The following PIEZO2 variants were observed in gnomAD, a reference collection of about 807,000 sequenced individuals.
PIEZO2 encodes piezo-type mechanosensitive ion channel component 2.
Under a neutral mutation model 337.3 loss-of-function variants are expected in PIEZO2, and 172 were observed. The ratio of observed to expected loss-of-function variants is 0.51; its 90% CI spans 0.45 to 0.58. PIEZO2 has a LOEUF of 0.58. Among genes scored for constraint, PIEZO2 ranks in the 20% least tolerant of loss-of-function variants. The pLI, the probability that PIEZO2 is intolerant of heterozygous loss-of-function variation, is 0.00. For synonymous variants in PIEZO2, 1,251 were observed against 1,228.5 expected, an observed-to-expected ratio of 1.02 and a Z score of -0.38; for missense variants, 3,028 against 3,391.3, an observed-to-expected ratio of 0.89 and a Z score of 2.66.
At position 10,813,992 on chromosome 18, in the gene PIEZO2, G is replaced by GAGTTTTGCT. The variant is rs2040278348; in HGVS notation, c.918-6727_918-6719dup. ...ATATATTTTTTTTTTTTTTGAGATG[G>GAGTTTTGCT]AGTTTTGCTCTGTGGCCCAGGCTGG... On this transcript the variant is annotated intron_variant, in intron 7 of 55. Coordinates refer to ENST00000674853, the MANE Select transcript of PIEZO2 (RefSeq NM_001378183.1). This position sits in a 1 kb window ranked among gnomAD's most constrained non-coding sequence, Gnocchi z 4.2. 6.6e-6 allele frequency among the ~76,000 whole-genome samples: 1 copy of GAGTTTTGCT among 150,922 alleles called. No individual in the cohort carries two copies. The highest frequency in any genetic ancestry group is 6.6e-5 in the Admixed American group (1 of 15,178).
At chr18:11,138,075 C>T (rs185272211) in intron 1 of PIEZO2, among the ~76,000 whole-genome samples, 9 of 152,246 alleles carry the variant, frequency 5.9e-5, no homozygotes, top group African/African-American at 2.4e-5. Context: ...AAAAACCAAT[C>T]GCTATAGGAA....
chr18:10,909,577 T>C (rs1039269688), intron 4 of PIEZO2, among the ~76,000 whole-genome samples: 2 of 152,206 alleles, frequency 1.3e-5, no homozygotes, highest in African/African-American at 4.8e-5. Flanking sequence ...TGCTGACCTA[T>C]GTAGGGATGA....
chr18:10,741,243 C>T (rs2037207641), intron 32 of PIEZO2, 141 bp from the exon 33 acceptor site: 5 of 670,404 alleles, frequency 7.5e-6, no homozygotes, highest in East Asian at 5.5e-5. Flanking sequence ...TATACTGAAT[C>T]TGAAAAATAT....
chr18:10,805,899 C>A (rs772827526), intron 8 of PIEZO2, among the ~76,000 whole-genome samples: 3 of 152,214 alleles, frequency 2.0e-5, no homozygotes, highest in East Asian at 1.9e-4. Flanking sequence ...CAGGGATGAC[C>A]GGAGCCATGC....
At chr18:10,869,320 T>C (rs1487690807) in intron 5 of PIEZO2, among the ~76,000 whole-genome samples, 1 of 152,322 alleles carries the variant, frequency 6.6e-6, no homozygotes, top group Middle Eastern at 3.4e-3. Context: ...CCTCCTTCTA[T>C]AGTTATTATT....
At chr18:11,011,131 C>T (rs979597294) in intron 2 of PIEZO2, among the ~76,000 whole-genome samples, 2 of 152,204 alleles carry the variant, frequency 1.3e-5, no homozygotes, top group Non-Finnish European at 2.9e-5. Flanking sequence ...CTAAAGACTG[C>T]AATGGGACCT....
intron 27 of PIEZO2, among the ~76,000 whole-genome samples, chr18:10,756,428 G>C (rs79892316): frequency 0.018 from 2,770 of 150,338 alleles, 39 homozygotes; most frequent in Non-Finnish European, 0.031. Context: ...AGGATGGATG[G>C]AAGATGAGGA....
chr18:11,133,476 T>C (rs1331395360), intron 1 of PIEZO2, among the ~76,000 whole-genome samples: 1 of 152,172 alleles, frequency 6.6e-6, no homozygotes, highest in East Asian at 1.9e-4. Flanking sequence ...TGTGTCTGTG[T>C]GGGTGTTGCC....
chr18:10,798,637 C>G (rs1417288129), intron 11 of PIEZO2, among the ~76,000 whole-genome samples: 1 of 152,048 alleles, frequency 6.6e-6, no homozygotes, highest in Non-Finnish European at 1.5e-5. Flanking sequence ...TTTTGAAAGC[C>G]CAGTTTATGA....
chr18:11,088,118 G>C (rs963512314), intron 1 of PIEZO2, among the ~76,000 whole-genome samples: 1 of 152,166 alleles, frequency 6.6e-6, no homozygotes, highest in Non-Finnish European at 1.5e-5. Context: ...GAACTATTTG[G>C]TTACAAGTCT....
At chr18:11,135,528 T>C (rs1010290184) in intron 1 of PIEZO2, among the ~76,000 whole-genome samples, 3 of 152,214 alleles carry the variant, frequency 2.0e-5, no homozygotes, top group African/African-American at 7.2e-5. Flanking sequence ...CATTACAGTT[T>C]GGTTCACGTT....
rs368619087 is a variant in PIEZO2, at chr18:10,759,792, T to A, written c.3568A>T (p.Ile1190Phe). 6.5e-7 allele frequency: 1 copy of A among 1,537,302 alleles called. No individual in the cohort carries two copies. The part of the protein sequence containing the change: ...YRRRRKAIAE[I>F]WPKYCCFLAC... ...AGGAAGCAGCAGTACTTGGGCCAGA[T>A]CTCTGCGATGGCTTTCCTTCTGCGT... The change falls in exon 25 of 56, where the codon ATC becomes TTC. Residue 1190 changes from isoleucine (I) to phenylalanine (F), a missense_variant. Ile to Phe is a conservative substitution (Grantham distance 21, BLOSUM62 0). Around this residue, in one of 5 missense-constraint regions of PIEZO2, gnomAD observed 1,925 missense variants for 2,051.9 expected, o/e 0.94. Coordinates refer to ENST00000674853, the MANE Select transcript of PIEZO2 (RefSeq NM_001378183.1). The surrounding 1 kb of genome is among the most constrained non-coding windows in gnomAD (Gnocchi z 5.5).
At chr18:10,820,565 T>C (rs1472593504) in intron 7 of PIEZO2, among the ~76,000 whole-genome samples, 2 of 152,206 alleles carry the variant, frequency 1.3e-5, no homozygotes, top group African/African-American at 2.4e-5. Context: ...GTTTTCATTA[T>C]GTCCATTTTC....
intron 1 of PIEZO2, among the ~76,000 whole-genome samples, chr18:11,085,162 A>G (rs1057277706): frequency 2.6e-5 from 4 of 152,196 alleles, no homozygotes; most frequent in Non-Finnish European, 4.4e-5. Context: ...TTTTGCCCCA[A>G]GTATTATCGG....
chr18:10,760,926 G>A lies in PIEZO2; in HGVS notation c.3435C>T (p.Tyr1145=). The A allele has an allele frequency of 6.5e-7, 1 of 1,531,098 alleles. No homozygotes were observed. Among genetic ancestry groups the A allele is most frequent in the Non-Finnish European group, 8.8e-7 (1 of 1,142,196 alleles). 94.8% of individuals were successfully genotyped at this position (1,531,098 alleles called of 1,614,324 possible). The change falls in exon 24 of 56, where the codon TAC becomes TAT. Residue 1145 remains tyrosine (Y), a synonymous_variant. Coordinates refer to ENST00000674853, the MANE Select transcript of PIEZO2 (RefSeq NM_001378183.1). ...GGAAACTCACCTCCAGACCAAACTT[G>A]TAAAAGAAGTAATTAATGAAATATT... is the stretch of plus-strand genomic sequence containing the variant. ...CAKYFINYFF[Y]KFGLETCFLM... is the part of the protein sequence containing the mutation.
At chr18:10,744,458 C>A (rs1461847843) in intron 30 of PIEZO2, among the ~76,000 whole-genome samples, 1 of 152,014 alleles carries the variant, frequency 6.6e-6, no homozygotes, top group East Asian at 1.9e-4. Context: ...GCTCACAAGC[C>A]CAGTAGTGAA....
In PIEZO2 at chr18:11,047,100, T is replaced by C. The variant is rs2037344142; in HGVS notation, c.160+19027A>G. 6.6e-6 allele frequency among the ~76,000 whole-genome samples: 1 copy of C among 152,234 alleles called. No individual in the cohort carries two copies. The highest frequency in any genetic ancestry group is 2.4e-5 in the African/African-American group (1 of 41,460). The stretch of plus-strand genomic sequence containing the variant: ...TTCACTCATCCTTTCCATGGGGGCA[T>C]GTGCAGGGCATGGCCTGTCCAGGTA... On this transcript the variant is annotated intron_variant, in intron 2 of 55. Coordinates refer to ENST00000674853, the MANE Select transcript of PIEZO2 (RefSeq NM_001378183.1). The surrounding 1 kb of genome is among the most constrained non-coding windows in gnomAD (Gnocchi z 7.2).
rs1408137241 is a variant in PIEZO2, at chr18:10,752,713, T to A, written c.4090A>T (p.Ile1364Phe). ...LFGGDLLLKP[I>F]KSILRYWDWL... Reference sequence around the variant, plus strand: ...TCCCAGTAGCGCAGGATGCTCTTGATGGGTTTCAACAGCAAATCGCCCCCA... The same window carrying A: ...TCCCAGTAGCGCAGGATGCTCTTGAAGGGTTTCAACAGCAAATCGCCCCCA... Residue 1364 changes from isoleucine to phenylalanine, a missense_variant, in exon 28 of 56, where the codon ATC (isoleucine) becomes TTC (phenylalanine). Around this residue, in one of 5 missense-constraint regions of PIEZO2, gnomAD observed 1,925 missense variants for 2,051.9 expected, o/e 0.94. Transcript: ENST00000674853. 6.5e-7 allele frequency: 1 copy of A among 1,537,126 alleles called. No individual in the cohort carries two copies. Among genetic ancestry groups the A allele is most frequent in the Non-Finnish European group, 8.7e-7 (1 of 1,146,918 alleles).
Position 10,787,200 on chromosome 18 carries a change from T to TA in PIEZO2, c.2170-17_2170-16insT. On this transcript the variant is annotated splice_polypyrimidine_tract_variant and intron_variant, in intron 15 of 55. Coordinates refer to ENST00000674853, the MANE Select transcript of PIEZO2 (RefSeq NM_001378183.1). Reference sequence around the variant, plus strand: ...CATAGTGCACCTGCAAATCAGACATTGAAAAAAAAAAATGAGAAAAAATCA... The same window carrying TA: ...CATAGTGCACCTGCAAATCAGACATTAGAAAAAAAAAAATGAGAAAAAATCA... 1 of 1,456,378 alleles carries TA rather than the reference T, an allele frequency of 6.9e-7. No homozygotes were observed. Among genetic ancestry groups the TA allele is most frequent in the Non-Finnish European group, 9.0e-7 (1 of 1,111,864 alleles). The allele number at this position is 1,456,378 out of a possible 1,614,324, so 90.2% of individuals were successfully genotyped here. A position where few individuals can be genotyped will look rare whatever the true frequency, so the allele number is the denominator to read the frequency against.
Sources: allele counts gnomAD v4.1 joint callset (sites outside exome capture counted in the v4.1 genomes callset), GRCh38; gene constraint gnomAD v4.1.1; regional missense constraint gnomAD v4.1.1; non-coding constraint Gnocchi (gnomAD v3.1); transcripts MANE v1.5; gene names NCBI Gene and HGNC (gene_info 2026-07-23, HGNC 2026-07-21).